ADGRV1: variants seen among roughly 807,000 people sequenced by gnomAD.
The protein encoded by ADGRV1 is adhesion G protein-coupled receptor V1.
ADGRV1 carries 359 observed loss-of-function variants against 596.2 expected under a neutral mutation model. The ratio of observed to expected loss-of-function variants is 0.60; its 90% CI spans 0.55 to 0.66. The LOEUF (loss-of-function observed/expected upper bound fraction) is 0.66, where lower values mean the gene tolerates loss of function less well. ADGRV1 is among the 30% of genes least tolerant of loss of function. The pLI is 0.00. For missense variants in ADGRV1, 7,274 were observed against 7,575.6 expected, an observed-to-expected ratio of 0.96 and a Z score of 1.48; for synonymous variants, 2,681 against 2,679.2, an observed-to-expected ratio of 1.00 and a Z score of -0.02.
intron 85 of ADGRV1, among the ~76,000 whole-genome samples, chr5:90,990,061 G>A (rs541830712): frequency 1.7e-3 from 263 of 152,120 alleles, no homozygotes; most frequent in African/African-American, 6.0e-3. Context: ...CTGGTGATCC[G>A]CCCACCTCGG....
Position 90,558,920 on chromosome 5 carries a change from A to G in ADGRV1, c.22+3A>G. On this transcript the variant is annotated splice_donor_region_variant and intron_variant, in intron 1 of 89. Transcript: ENST00000405460. ...GATGTCGGTGTTCCTGGGGCCAGGT[A>G]GGCTATGGCTGAGGGGTGGTGCTGC... 1.9e-6 allele frequency: 3 copies of G among 1,557,050 alleles called. No individual in the cohort carries two copies. Among genetic ancestry groups the G allele is most frequent in the Non-Finnish European group, 2.6e-6 (3 of 1,149,804 alleles).
chr5:90,659,471 A>G (rs1036775419), intron 21 of ADGRV1, among the ~76,000 whole-genome samples: 1 of 152,234 alleles, frequency 6.6e-6, no homozygotes, highest in Middle Eastern at 3.2e-3. Context: ...TTTTTCAAGT[A>G]ATCAATGCAT....
chr5:91,080,652 T>C (rs1789273342), intron 86 of ADGRV1, among the ~76,000 whole-genome samples: 1 of 150,558 alleles, frequency 6.6e-6, no homozygotes, highest in African/African-American at 2.4e-5. Flanking sequence ...CTTCATCTTC[T>C]ACTTAATCTT....
intron 83 of ADGRV1, among the ~76,000 whole-genome samples, chr5:90,864,985 G>A (rs2438342): frequency 0.62 from 94,604 of 151,974 alleles, 29,729 homozygotes; most frequent in East Asian, 0.83. Flanking sequence ...AAAAAATAGC[G>A]TTTGTGGTGG....
At chr5:90,955,758 T>A (rs1332878171) in intron 83 of ADGRV1, among the ~76,000 whole-genome samples, 4 of 152,190 alleles carry the variant, frequency 2.6e-5, no homozygotes, top group Non-Finnish European at 5.9e-5. Context: ...ATAAAATATT[T>A]GGGAATTCTG....
intron 1 of ADGRV1, among the ~76,000 whole-genome samples, chr5:90,571,925 T>A (rs967159903): frequency 7.2e-5 from 11 of 152,168 alleles, no homozygotes; most frequent in African/African-American, 2.2e-4. Context: ...TGCAAGCCCT[T>A]GGTTAATTTC....
intron 21 of ADGRV1, among the ~76,000 whole-genome samples, chr5:90,665,139 G>C (rs1258870698): frequency 1.3e-5 from 2 of 150,260 alleles, no homozygotes; most frequent in Non-Finnish European, 3.0e-5. Context: ...AAATGAGTTA[G>C]GGAGGATTCC....
chr5:90,626,734 G>A (rs1253837805), intron 6 of ADGRV1, among the ~76,000 whole-genome samples: 2 of 152,202 alleles, frequency 1.3e-5, no homozygotes, highest in South Asian at 2.1e-4. Flanking sequence ...TTGGTGTCAC[G>A]TGTTTAACTC....
rs113880183 is a variant in ADGRV1, at chr5:91,076,928, G to A, written c.18310+4324G>A. Among the ~76,000 whole-genome samples, 1,045 of 152,026 alleles carry A rather than the reference G, an allele frequency of 6.9e-3. 12 individuals carry two copies. The highest frequency in any genetic ancestry group is 0.024 in the African/African-American group (1,004 of 41,476). On this transcript the variant is annotated intron_variant, in intron 86 of 89. Coordinates refer to ENST00000405460, the MANE Select transcript of ADGRV1 (RefSeq NM_032119.4). Reference sequence around the variant, plus strand: ...CACAACGTGCAGGTTTGTTACATAGGTATATGTGTGCCATGTTGGTTTGCT... The same window carrying A: ...CACAACGTGCAGGTTTGTTACATAGATATATGTGTGCCATGTTGGTTTGCT...
chr5:90,651,427 A>G (rs1479203993), intron 17 of ADGRV1, among the ~76,000 whole-genome samples, 177 bp from the exon 18 acceptor site: 1 of 152,132 alleles, frequency 6.6e-6, no homozygotes, highest in Non-Finnish European at 1.5e-5. Context: ...TTATGTGTGT[A>G]TACATAAACA....
chr5:91,116,084 T>A (rs777004295), intron 87 of ADGRV1, among the ~76,000 whole-genome samples: 2 of 152,156 alleles, frequency 1.3e-5, no homozygotes, highest in Non-Finnish European at 2.9e-5. Flanking sequence ...TCAACTACAG[T>A]TCTACTGAAA....
At chr5:90,881,088 A>G (rs1052376693) in intron 83 of ADGRV1, among the ~76,000 whole-genome samples, 4 of 152,222 alleles carry the variant, frequency 2.6e-5, no homozygotes, top group Non-Finnish European at 4.4e-5. Flanking sequence ...ATAAAACCAG[A>G]TCATGAGGGT....
At chr5:90,634,544 C>T (rs1272268327) in intron 9 of ADGRV1, among the ~76,000 whole-genome samples, 1 of 152,134 alleles carries the variant, frequency 6.6e-6, no homozygotes, top group Non-Finnish European at 1.5e-5. Flanking sequence ...GAGTAGTCTT[C>T]TGATACTGGA....
rs56672799 is a variant in ADGRV1 at position 90,593,124 on chromosome 5, T to A, written c.23-21711T>A. On this transcript the variant is annotated intron_variant, in intron 1 of 89. Coordinates refer to ENST00000405460, the MANE Select transcript of ADGRV1 (RefSeq NM_032119.4). ...TTTATACCCAAAGGATTATAAAAAA[T>A]CATGCTACTATAAAGACACATGCAC... Among the ~76,000 whole-genome samples the A allele has an allele frequency of 9.2e-4, 140 of 152,264 alleles. 3 individuals carry two copies. In the East Asian group the frequency reaches 0.016, roughly 17 times the overall value.
Position 90,628,837 on chromosome 5 carries a change from A to G in ADGRV1, c.1509+5A>G. 1.2e-6 allele frequency: 2 copies of G among 1,612,716 alleles called. No individual in the cohort carries two copies. The highest frequency in any genetic ancestry group is 1.7e-6 in the Non-Finnish European group (2 of 1,179,032). The stretch of plus-strand genomic sequence containing the variant: ...GAAGTGAGCGAGCCAGCGGAGGTAT[A>G]ACCCTTGTTATGCTTTATGCTTGTT... On this transcript the variant is annotated splice_donor_5th_base_variant and intron_variant, in intron 8 of 89. Coordinates refer to ENST00000405460, the MANE Select transcript of ADGRV1 (RefSeq NM_032119.4).
Position 90,855,848 on chromosome 5 carries a change from A to G in ADGRV1, c.17702A>G (p.Asn5901Ser). ...TATGCTGTCTATGCTCGGACTGACA[A>G]CTTGTCTTCATACAATGAAGCCTTC... is the stretch of plus-strand genomic sequence containing the variant. ...SVYAVYARTD[N>S]LSSYNEAFFT... The change falls in exon 82 of 90, where the codon AAC (asparagine) becomes AGC (serine). Residue 5901 changes from asparagine to serine, a missense_variant. Physicochemically the swap from Asn to Ser is conservative, Grantham distance 46. Coordinates refer to ENST00000405460, the MANE Select transcript of ADGRV1 (RefSeq NM_032119.4). 1 of 1,613,270 alleles carries G rather than the reference A, an allele frequency of 6.2e-7. No individual in the cohort carries two copies. Among genetic ancestry groups the G allele is most frequent in the Non-Finnish European group, 8.5e-7 (1 of 1,179,338 alleles).
intron 75 of ADGRV1, among the ~76,000 whole-genome samples, chr5:90,822,422 G>A (rs145578574): frequency 0.015 from 2,215 of 152,156 alleles, 18 homozygotes; most frequent in Middle Eastern, 0.061. Context: ...GTTCCTATTC[G>A]GCCATCTTGG....
Position 90,811,324 on chromosome 5 carries a change from T to C in ADGRV1, c.16064T>C (p.Met5355Thr), listed in dbSNP as rs1762422245. 1 of 1,603,424 alleles carries C rather than the reference T, an allele frequency of 6.2e-7. No individual in the cohort carries two copies. Among genetic ancestry groups the C allele is most frequent in the Non-Finnish European group, 8.5e-7 (1 of 1,174,910 alleles). The change falls in exon 74 of 90, where the codon ATG becomes ACG. Residue 5355 changes from methionine to threonine, a missense_variant. This residue lies in a region of ADGRV1 where 1,874 missense variants were observed against 1,970.2 expected (regional missense o/e 0.95). Transcript: ENST00000405460. Reference protein sequence around the residue: ...KDDTGFAAFAMVIITGSDLHN... With the variant: ...KDDTGFAAFATVIITGSDLHN... ...GATACTGGATTTGCAGCTTTTGCCA[T>C]GGTTATTATTACAGGTATATCTTTG...
At chr5:90,590,810 A>G (rs774782437) in intron 1 of ADGRV1, among the ~76,000 whole-genome samples, 1 of 152,230 alleles carries the variant, frequency 6.6e-6, no homozygotes, top group Non-Finnish European at 1.5e-5. Flanking sequence ...CTGTCATGTT[A>G]TATATTCATT....
Sources: allele counts gnomAD v4.1 joint callset (sites outside exome capture counted in the v4.1 genomes callset), GRCh38; gene constraint gnomAD v4.1.1; regional missense constraint gnomAD v4.1.1; transcripts MANE v1.5; gene names NCBI Gene and HGNC (gene_info 2026-07-23, HGNC 2026-07-21).